FRAS1: variants seen among roughly 807,000 people sequenced by gnomAD.
FRAS1 encodes the protein extracellular matrix organizing protein FRAS1.
In FRAS1, 290 loss-of-function variants were observed where a neutral mutation model predicts 435.2. The ratio of observed to expected loss-of-function variants is 0.67; its 90% CI spans 0.61 to 0.73. The LOEUF (loss-of-function observed/expected upper bound fraction) is 0.73, where lower values mean the gene tolerates loss of function less well. Ranked by LOEUF, FRAS1 falls within the 30% of genes least tolerant of loss-of-function variation. The pLI, the probability that FRAS1 is intolerant of heterozygous loss-of-function variation, is 0.00. For synonymous variants in FRAS1, 1,800 were observed against 1,851.0 expected (o/e 0.97, Z 0.71); for missense variants, 4,860 against 5,001.5 (o/e 0.97, Z 0.85).
chr4:78,096,671 C>T (rs966078264), intron 2 of FRAS1, among the ~76,000 whole-genome samples: 5 of 152,226 alleles, frequency 3.3e-5, no homozygotes, highest in African/African-American at 9.6e-5. Flanking sequence ...CTGAGCTCTA[C>T]ATTGGCCCCT....
intron 9 of FRAS1, among the ~76,000 whole-genome samples, chr4:78,278,220 C>T (rs1727157511): frequency 6.6e-6 from 1 of 152,172 alleles, no homozygotes; most frequent in Non-Finnish European, 1.5e-5. Flanking sequence ...TCTGTACATA[C>T]AGGGATGCAT....
chr4:78,267,235 T>A lies in FRAS1; in HGVS notation c.790-6T>A. 6.2e-7 allele frequency: 1 copy of A among 1,613,050 alleles called. No homozygotes were observed. The highest frequency in any genetic ancestry group is 8.5e-7 in the Non-Finnish European group (1 of 1,179,490). ...ACTGCCCCTCACCTTCCTCTCTGTG[T>A]CCTAGGGTCAGAGCAGGGCTCGGCG... On this transcript the variant is annotated splice_region_variant and splice_polypyrimidine_tract_variant and intron_variant, in intron 8 of 73. Transcript: ENST00000512123.
At chr4:78,324,185 A>C (rs1445434049) in intron 18 of FRAS1, among the ~76,000 whole-genome samples, 2 of 138,116 alleles carry the variant, frequency 1.4e-5, no homozygotes, top group Non-Finnish European at 3.3e-5. Context: ...TAAAAAGTAT[A>C]AATAAGGGAA....
chr4:78,438,495 A>G (rs1191790702), intron 38 of FRAS1, 75 bp from the exon 39 acceptor site: 1 of 1,444,854 alleles, frequency 6.9e-7, no homozygotes, highest in South Asian at 1.2e-5. Flanking sequence ...AGAAGCACCC[A>G]TAGATCTTTA....
intron 2 of FRAS1, among the ~76,000 whole-genome samples, chr4:78,171,978 CTCAAG>C (rs1402822450): frequency 6.6e-6 from 1 of 152,162 alleles, no homozygotes; most frequent in African/African-American, 2.4e-5. Context: ...CATGTCATTT[CTCAAG>C]TCAAGAATAG....
At chr4:78,276,525 C>T (rs759735990) in intron 9 of FRAS1, among the ~76,000 whole-genome samples, 1 of 152,276 alleles carries the variant, frequency 6.6e-6, no homozygotes, top group East Asian at 1.9e-4. Context: ...ATTAGTTTTC[C>T]TTCTAACAGT....
chr4:78,122,239 A>C (rs867366478), intron 2 of FRAS1, among the ~76,000 whole-genome samples: 1 of 151,748 alleles, frequency 6.6e-6, no homozygotes, highest in African/African-American at 2.4e-5. Flanking sequence ...TGGTTTTCTG[A>C]TCTTGTAATA....
intron 9 of FRAS1, among the ~76,000 whole-genome samples, chr4:78,269,189 T>G (rs1476148888): frequency 6.6e-6 from 1 of 152,188 alleles, no homozygotes; most frequent in East Asian, 1.9e-4. Flanking sequence ...GTATCCCTGG[T>G]GATAAAAAGA....
chr4:78,232,434 C>T (rs368765558), intron 2 of FRAS1, among the ~76,000 whole-genome samples: 26 of 151,802 alleles, frequency 1.7e-4, no homozygotes, highest in Admixed American at 5.3e-4. Context: ...TACAGGCGCC[C>T]GCCACCATGC....
chr4:78,378,598 G>A (rs1231263013), intron 26 of FRAS1, among the ~76,000 whole-genome samples: 1 of 152,172 alleles, frequency 6.6e-6, no homozygotes, highest in East Asian at 1.9e-4. Context: ...TTTCCTAGTG[G>A]AAGTGAAGTG....
At chr4:78,333,434 G>A (rs1187877745) in intron 19 of FRAS1, 22 bp downstream of exon 19, 1 of 1,604,366 alleles carries the variant, frequency 6.2e-7, no homozygotes, top group African/African-American at 1.3e-5. Flanking sequence ...ATGTGCTGAG[G>A]CACATTGCCT....
chr4:78,370,729 T>C (rs1019478629), intron 23 of FRAS1, among the ~76,000 whole-genome samples: 6 of 152,166 alleles, frequency 3.9e-5, no homozygotes, highest in Admixed American at 3.9e-4. Context: ...TTCAAGGAAA[T>C]TTATAAGGAG....
chr4:78,343,884 A>G (rs1730496709), intron 20 of FRAS1, among the ~76,000 whole-genome samples: 2 of 152,154 alleles, frequency 1.3e-5, no homozygotes, highest in Non-Finnish European at 2.9e-5. Flanking sequence ...AGCAGCTTCT[A>G]CTGTGCGGGG....
chr4:78,509,412 A>G (rs149150888), intron 63 of FRAS1, among the ~76,000 whole-genome samples: 97 of 152,164 alleles, frequency 6.4e-4, no homozygotes, highest in African/African-American at 2.2e-3. Context: ...TGTATCTCCA[A>G]TCGTTCAATA....
chr4:78,487,022 A>T (rs1477715409), intron 58 of FRAS1, among the ~76,000 whole-genome samples: 1 of 152,132 alleles, frequency 6.6e-6, no homozygotes, highest in Non-Finnish European at 1.5e-5. Flanking sequence ...GCAAGAAAAA[A>T]CAATCTAAAG....
chr4:78,159,689 T>A (rs887026985), intron 2 of FRAS1, among the ~76,000 whole-genome samples: 1 of 152,184 alleles, frequency 6.6e-6, no homozygotes, highest in Admixed American at 6.5e-5. Context: ...GAGACCAGCC[T>A]GGCCAACATG....
At chr4:78,373,567 C>T (rs141577619) in intron 24 of FRAS1, among the ~76,000 whole-genome samples, 1,567 of 151,202 alleles carry the variant, frequency 0.01, 36 homozygotes, top group African/African-American at 0.035. Flanking sequence ...CACCTGAGGT[C>T]GTGAGTTCAA....
chr4:78,508,648 TGTGGA>T (rs1720925900), intron 62 of FRAS1, 78 bp from the exon 63 acceptor site: 1 of 1,386,788 alleles, frequency 7.2e-7, no homozygotes, highest in Admixed American at 2.1e-5. Context: ...TAAGAGATCT[TGTGGA>T]TCTCTAAAGA....
At chr4:78,358,365 T>G (rs1332347117) in intron 20 of FRAS1, among the ~76,000 whole-genome samples, 1 of 152,202 alleles carries the variant, frequency 6.6e-6, no homozygotes, top group East Asian at 1.9e-4. Context: ...CATAAATGGC[T>G]CTTGAAATAC....
Sources: gnomAD v4.1 joint callset for allele counts (sites outside exome capture counted in the v4.1 genomes callset) on GRCh38, gnomAD v4.1.1 for gene constraint, MANE v1.5 for transcripts, NCBI Gene and HGNC (gene_info 2026-07-23, HGNC 2026-07-21) for gene names.